Variants in ADCY7 observed in about 807,000 individuals in gnomAD.
ADCY7 encodes the protein adenylate cyclase 7.
ADCY7 carries 72 observed loss-of-function variants against 120.6 expected under a neutral mutation model. That is an observed-to-expected ratio of 0.60 (90% CI 0.49 to 0.73). ADCY7 has a LOEUF of 0.73. Among genes scored for constraint, ADCY7 ranks in the 30% least tolerant of loss-of-function variants. The pLI is 0.00. For missense variants in ADCY7, 1,227 were observed against 1,486.0 expected (o/e 0.83, Z 2.87); for synonymous variants, 661 against 628.0 (o/e 1.05, Z -0.78).
chr16:50,312,791 C>G, intron 21 of ADCY7, 99 bp from the exon 22 acceptor site: 1 of 1,075,668 alleles, frequency 9.3e-7, no homozygotes. Flanking sequence ...GAAAGCTGGG[C>G]TGGGCAGTTC....
At chr16:50,310,665 G>A in intron 18 of ADCY7, 22 bp from the exon 19 acceptor site, 1 of 1,611,818 alleles carries the variant, frequency 6.2e-7, no homozygotes, top group Non-Finnish European at 8.5e-7. Context: ...GCCCTGTCCT[G>A]AGTGACACCC....
chr16:50,256,553 A>G (rs1333223900), intron 1 of ADCY7, among the ~76,000 whole-genome samples: 1 of 152,174 alleles, frequency 6.6e-6, no homozygotes, highest in Non-Finnish European at 1.5e-5. Flanking sequence ...AAATAAAAAA[A>G]CAAGGCAGGT....
In ADCY7 at chr16:50,316,179, A is replaced by G. The variant is rs1254175278; in HGVS notation, c.*674A>G. ...CACTAGACATAAATCTCTTCCCTCC[A>G]GTGTATGCTCTGCCTTTTTAACCAC... On this transcript the variant is annotated 3_prime_UTR_variant, in exon 26 of 26. Transcript: ENST00000673801. 6.6e-6 allele frequency: 1 copy of G among 152,468 alleles called. No homozygotes were observed. The highest frequency in any genetic ancestry group is 1.5e-5 in the Non-Finnish European group (1 of 68,190). The allele number at this position is 152,468 out of a possible 1,614,324, so 9.4% of individuals were successfully genotyped here. A position where few individuals can be genotyped will look rare whatever the true frequency, so the allele number is the denominator to read the frequency against.
At chr16:50,271,281 G>A (rs9933490) in intron 1 of ADCY7, among the ~76,000 whole-genome samples, 6,390 of 152,182 alleles carry the variant, frequency 0.042, 211 homozygotes, top group African/African-American at 0.092. Flanking sequence ...TGGCTCTGTT[G>A]CCCAGGCTGG....
At chr16:50,262,934 T>C (rs1044484324), upstream of ADCY7, among the ~76,000 whole-genome samples, 5 of 152,238 alleles carry the variant, frequency 3.3e-5, no homozygotes, top group Admixed American at 6.5e-5. Context: ...GTGCCAGGGC[T>C]GGGAGATCTT....
At chr16:50,280,374 CA>C (rs35353793) in intron 1 of ADCY7, among the ~76,000 whole-genome samples, 1,431 of 135,604 alleles carry the variant, frequency 0.011, 12 homozygotes, top group South Asian at 0.037. Context: ...TTAATTTTTT[CA>C]AAAAAAAAAA....
upstream of ADCY7, among the ~76,000 whole-genome samples, chr16:50,264,012 A>G (rs1250913053): frequency 6.6e-6 from 1 of 152,182 alleles, no homozygotes; most frequent in African/African-American, 2.4e-5. Context: ...AGGCAAGTGC[A>G]CAAACCTTCA....
chr16:50,252,943 C>T (rs992236666), intron 1 of ADCY7, among the ~76,000 whole-genome samples: 1 of 151,954 alleles, frequency 6.6e-6, no homozygotes, highest in Non-Finnish European at 1.5e-5. Context: ...TTTCTTTTTT[C>T]AACATATTAC....
chr16:50,301,130 C>G lies in ADCY7; in HGVS notation c.1284C>G (p.Tyr428Ter). The change falls in exon 10 of 26, where the codon TAC (tyrosine) becomes TAG (stop). Residue 428 changes from tyrosine (Y) to a stop codon, truncating the protein, a stop_gained. Coordinates refer to ENST00000673801, the MANE Select transcript of ADCY7 (RefSeq NM_001114.5). LOFTEE classifies it high-confidence loss of function. ...EATLKHLDKA[Y>*]EVEDGHGQQR... ...CGCTAAAGCACCTGGACAAGGCGTA[C>G]GAGGTGGAGGATGGGCACGGGCAGC... 6.2e-7 allele frequency: 1 copy of G among 1,613,946 alleles called. No homozygotes were observed. Among genetic ancestry groups the G allele is most frequent in the Non-Finnish European group, 8.5e-7 (1 of 1,179,944 alleles).
In ADCY7 at chr16:50,304,488, T is replaced by C; in HGVS notation, c.1497T>C (p.His499=). 3 of 1,606,106 alleles carry C rather than the reference T, an allele frequency of 1.9e-6. No individual in the cohort carries two copies. The highest frequency in any genetic ancestry group is 3.4e-5 in the Admixed American group (2 of 58,060). Residue 499 remains histidine (H), a synonymous_variant, in exon 11 of 26, where the codon CAT becomes CAC. Transcript: ENST00000673801. The part of the protein sequence containing the change: ...ESWGAARPFA[H]LNHRESVSSG... Reference sequence around the variant, plus strand: ...GGGGGGCGGCACGGCCCTTTGCACATCTCAACCACCGTGAGAGCGTGAGCA... The same window carrying C: ...GGGGGGCGGCACGGCCCTTTGCACACCTCAACCACCGTGAGAGCGTGAGCA...
chr16:50,288,968 A>G (rs2034761806), intron 2 of ADCY7, among the ~76,000 whole-genome samples: 1 of 152,104 alleles, frequency 6.6e-6, no homozygotes, highest in East Asian at 1.9e-4. Flanking sequence ...CAGCCTCTCT[A>G]ACTTTAATTC....
At position 50,317,308 on chromosome 16, in the gene ADCY7, T is replaced by G. The variant is rs2036847398; in HGVS notation, c.*1803T>G. On this transcript the variant is annotated 3_prime_UTR_variant, in exon 26 of 26. Transcript: ENST00000673801. ...AGTTGCCTTTTTTACACACCAAAAC[T>G]TTTTACATGAAGGGCTGGTTTCACA... is the stretch of plus-strand genomic sequence containing the variant. 1 of 152,468 alleles carries G rather than the reference T, an allele frequency of 6.6e-6. No individual in the cohort carries two copies. The highest frequency in any genetic ancestry group is 1.5e-5 in the Non-Finnish European group (1 of 68,036). The allele number at this position is 152,468 out of a possible 1,614,324, so 9.4% of individuals were successfully genotyped here.
intron 19 of ADCY7, 101 bp downstream of exon 19, chr16:50,310,981 A>G (rs1317953892): frequency 2.4e-6 from 3 of 1,238,788 alleles, no homozygotes; most frequent in Admixed American, 2.4e-5. Flanking sequence ...GGGAGTGGGC[A>G]CCTTGCAGGG....
intron 1 of ADCY7, among the ~76,000 whole-genome samples, chr16:50,267,028 C>T (rs889771586): frequency 1.3e-5 from 2 of 152,186 alleles, no homozygotes; most frequent in Non-Finnish European, 2.9e-5. Flanking sequence ...TGTAATTTTA[C>T]ATTTACAAGC....
chr16:50,251,420 A>G (rs150093027), intron 1 of ADCY7, among the ~76,000 whole-genome samples: 14 of 152,300 alleles, frequency 9.2e-5, no homozygotes, highest in African/African-American at 3.4e-4. Context: ...TCCTGTTGCC[A>G]TGATCCTGAG....
chr16:50,308,982 G>C (rs2036269575), intron 17 of ADCY7, 190 bp downstream of exon 17: 3 of 615,136 alleles, frequency 4.9e-6, no homozygotes, highest in Non-Finnish European at 7.7e-6. Flanking sequence ...GACTTTGGGG[G>C]CCCAGAGAGC....
intron 1 of ADCY7, among the ~76,000 whole-genome samples, chr16:50,253,038 G>A (rs909108721): frequency 1.3e-5 from 2 of 152,136 alleles, no homozygotes; most frequent in Non-Finnish European, 2.9e-5. Flanking sequence ...GTGGAGTTGG[G>A]GGTCAGGGAG....
intron 25 of ADCY7, 27 bp from the exon 26 acceptor site, chr16:50,315,332 A>C (rs2036750922): frequency 1.3e-6 from 2 of 1,598,058 alleles, no homozygotes; most frequent in Non-Finnish European, 1.7e-6. Context: ...CCGCCTCTGA[A>C]GACAACAGGT....
Position 50,316,312 on chromosome 16 carries a change from G to A in ADCY7, c.*807G>A, listed in dbSNP as rs2036797673. ...CAGCAAGAAGGCGGGGAGCAGCAGA[G>A]CCTTGCCTTTGAATGAGGCAGCTTG... On this transcript the variant is annotated 3_prime_UTR_variant, in exon 26 of 26. Coordinates refer to ENST00000673801, the MANE Select transcript of ADCY7 (RefSeq NM_001114.5). 6.6e-6 allele frequency: 1 copy of A among 152,404 alleles called. No homozygotes were observed. Among genetic ancestry groups the A allele is most frequent in the Non-Finnish European group, 1.5e-5 (1 of 68,068 alleles). 9.4% of individuals were successfully genotyped at this position (152,404 alleles called of 1,614,324 possible). A position where few individuals can be genotyped will look rare whatever the true frequency, so the allele number is the denominator to read the frequency against.
Sources: gnomAD v4.1 joint callset for allele counts (sites outside exome capture counted in the v4.1 genomes callset) on GRCh38, gnomAD v4.1.1 for gene constraint, MANE v1.5 for transcripts, NCBI Gene and HGNC (gene_info 2026-07-23, HGNC 2026-07-21) for gene names.